ZNF564: variants seen among roughly 807,000 people sequenced by gnomAD.
The protein encoded by ZNF564 is zinc finger protein 564.
Under a neutral mutation model 10.5 loss-of-function variants are expected in ZNF564, and 5 were observed. That is an observed-to-expected ratio of 0.48 (90% CI 0.25 to 1.00). The LOEUF (loss-of-function observed/expected upper bound fraction) is 1.00, where lower values mean the gene tolerates loss of function less well. Among genes scored for constraint, ZNF564 ranks in the 50% least tolerant of loss-of-function variants. The pLI is 0.16. For missense variants in ZNF564, 603 were observed against 669.7 expected (o/e 0.90, Z 1.10); for synonymous variants, 242 against 218.1 (o/e 1.11, Z -0.97).
intron 1 of ZNF564, among the ~76,000 whole-genome samples, chr19:12,532,189 C>T (rs2021815661): frequency 6.6e-6 from 1 of 151,884 alleles, no homozygotes; most frequent in South Asian, 2.1e-4. Flanking sequence ...AGACCCTGCA[C>T]TCCAGCCTGG....
Position 12,526,680 on chromosome 19 carries a change from G to C in ZNF564, c.1428C>G (p.Pro476=), listed in dbSNP as rs748397973. Residue 476 remains proline, a synonymous_variant, in exon 4 of 4, where the codon CCC becomes CCG. Coordinates refer to ENST00000339282, the MANE Select transcript of ZNF564 (RefSeq NM_144976.4). ...CTTTCCCACATTCTTTACATTCATA[G>C]GGTTTTTCTCCAGTATGAGTTCTTT... ...THERTHTGEK[P]YECKECGKAF... is the part of the protein sequence containing the mutation. The C allele has an allele frequency of 2.5e-6, 4 of 1,614,160 alleles. No homozygotes were observed.
At position 12,526,984 on chromosome 19, in the gene ZNF564, A is replaced by C. The variant is rs746065275; in HGVS notation, c.1124T>G (p.Ile375Ser). The change falls in exon 4 of 4, where the codon ATT becomes AGT. Residue 375 changes from isoleucine to serine, a missense_variant. Ile to Ser is a moderately radical substitution (Grantham distance 142). Coordinates refer to ENST00000339282, the MANE Select transcript of ZNF564 (RefSeq NM_144976.4). ...GTGTCTTCGGACACTTGGGAGAGAA[A>C]TGAAGGCTTTCCCGCATTCCTTACA... ...YECKECGKAFISLPSVRRHMI... is the reference protein window; with the variant it reads ...YECKECGKAFSSLPSVRRHMI... 6.2e-7 allele frequency: 1 copy of C among 1,613,626 alleles called. No homozygotes were observed. The highest frequency in any genetic ancestry group is 1.3e-5 in the African/African-American group (1 of 74,780).
chr19:12,529,984 CAAAA>C (rs553631056), intron 1 of ZNF564: 14 of 51,896 alleles, frequency 2.7e-4, no homozygotes, highest in Non-Finnish European at 4.4e-4. Context: ...AACTCTGTCT[CAAAA>C]AAAAAAAAAA....
chr19:12,537,448 T>G (rs952601774), intron 1 of ZNF564, among the ~76,000 whole-genome samples: 2 of 152,150 alleles, frequency 1.3e-5, no homozygotes, highest in Admixed American at 1.3e-4. Context: ...TGGAAGACAA[T>G]GTTTTCTAAG....
chr19:12,536,972 C>T (rs1190908274), intron 1 of ZNF564, among the ~76,000 whole-genome samples: 1 of 152,122 alleles, frequency 6.6e-6, no homozygotes, highest in Non-Finnish European at 1.5e-5. Context: ...ATCTCCTATC[C>T]TCCCATCTTC....
intron 1 of ZNF564, among the ~76,000 whole-genome samples, chr19:12,535,858 C>T (rs1264769039): frequency 6.6e-6 from 1 of 151,834 alleles, no homozygotes; most frequent in Admixed American, 6.6e-5. Context: ...ACTAAAAATA[C>T]AAAAATTAGC....
intron 1 of ZNF564, among the ~76,000 whole-genome samples, chr19:12,536,325 T>C (rs564812565): frequency 6.6e-6 from 1 of 152,208 alleles, no homozygotes; most frequent in East Asian, 1.9e-4. Context: ...TACAGGTACA[T>C]GTCACCATGC....
chr19:12,538,549 C>CA (rs1599282684), intron 1 of ZNF564, among the ~76,000 whole-genome samples: 1 of 151,936 alleles, frequency 6.6e-6, no homozygotes, highest in African/African-American at 2.4e-5. Context: ...TGCTTGAACC[C>CA]AGGAGGCGGA....
intron 1 of ZNF564, chr19:12,550,401 A>G (rs1452932763): frequency 1.2e-5 from 2 of 166,642 alleles, no homozygotes; most frequent in African/African-American, 4.8e-5. Flanking sequence ...CACGTCTGTA[A>G]TACCAGCATT....
At chr19:12,545,585 C>G (rs1047061689) in intron 1 of ZNF564, among the ~76,000 whole-genome samples, 1 of 152,218 alleles carries the variant, frequency 6.6e-6, no homozygotes, top group South Asian at 2.1e-4. Context: ...ACCCACACTT[C>G]TGAACAACTG....
chr19:12,536,220 AGATT>A (rs2021909878), intron 1 of ZNF564, among the ~76,000 whole-genome samples: 1 of 152,160 alleles, frequency 6.6e-6, no homozygotes, highest in South Asian at 2.1e-4. Context: ...TTTGTCACCC[AGATT>A]GGAGTGCAGT....
At chr19:12,536,351 A>AT (rs1359288527) in intron 1 of ZNF564, among the ~76,000 whole-genome samples, 1 of 152,050 alleles carries the variant, frequency 6.6e-6, no homozygotes, top group African/African-American at 2.4e-5. Context: ...AAATTTTTGT[A>AT]TTTTTTGTAG....
rs1026021646 is a variant in ZNF564, at chr19:12,527,104, T to C, written c.1004A>G (p.Lys335Arg). ...ACCACATTTATTACATTCATAGGGT[T>C]TCTCCCCAGTATGAGTTCTTTCATG... ...RKHERTHTGE[K>R]PYECNKCGKT... Residue 335 changes from lysine to arginine, a missense_variant, in exon 4 of 4, where the codon AAA (lysine) becomes AGA (arginine). Lys to Arg is a conservative substitution (Grantham distance 26, BLOSUM62 2). Coordinates refer to ENST00000339282, the MANE Select transcript of ZNF564 (RefSeq NM_144976.4). 1 of 1,614,132 alleles carries C rather than the reference T, an allele frequency of 6.2e-7. No homozygotes were observed. Among genetic ancestry groups the C allele is most frequent in the Non-Finnish European group, 8.5e-7 (1 of 1,180,024 alleles).
chr19:12,528,727 G>A (rs754187309), intron 1 of ZNF564, 31 bp from the exon 2 acceptor site: 1 of 1,594,602 alleles, frequency 6.3e-7, no homozygotes, highest in Non-Finnish European at 8.5e-7. Flanking sequence ...AATGCAGGAG[G>A]AAGAATGAGA....
At chr19:12,530,574 T>C (rs1210048559) in intron 1 of ZNF564, among the ~76,000 whole-genome samples, 1 of 152,180 alleles carries the variant, frequency 6.6e-6, no homozygotes, top group Non-Finnish European at 1.5e-5. Context: ...CTGAGGGATT[T>C]CATTCAAGTC....
In ZNF564 at chr19:12,528,613, G is replaced by A; in HGVS notation, c.87C>T (p.Tyr29=). The stretch of plus-strand genomic sequence containing the variant: ...TAAAGGTTTCCCGCATCACATCTCT[G>A]TAGAGTTTCTTCTGGGAAGGATCCA... ...ALLDPSQKKL[Y]RDVMRETFRN... The change falls in exon 2 of 4, where the codon TAC becomes TAT. Residue 29 remains tyrosine, a synonymous_variant. Coordinates refer to ENST00000339282, the MANE Select transcript of ZNF564 (RefSeq NM_144976.4). 3 of 1,614,020 alleles carry A rather than the reference G, an allele frequency of 1.9e-6. No homozygotes were observed. The highest frequency in any genetic ancestry group is 1.3e-5 in the African/African-American group (1 of 75,038).
chr19:12,533,366 A>G (rs958933403), intron 1 of ZNF564, among the ~76,000 whole-genome samples: 1 of 152,214 alleles, frequency 6.6e-6, no homozygotes, highest in Non-Finnish European at 1.5e-5. Flanking sequence ...AGCAGTGCAT[A>G]GAGGAATATT....
Position 12,527,587 on chromosome 19 carries a change from C to T in ZNF564, c.521G>A (p.Cys174Tyr). 2 of 1,614,204 alleles carry T rather than the reference C, an allele frequency of 1.2e-6. No individual in the cohort carries two copies. The highest frequency in any genetic ancestry group is 1.7e-6 in the Non-Finnish European group (2 of 1,180,026). The change falls in exon 4 of 4, where the codon TGT (cysteine) becomes TAT (tyrosine). Residue 174 changes from cysteine to tyrosine, a missense_variant. Cys to Tyr is a radical substitution (Grantham distance 194, BLOSUM62 -2). Transcript: ENST00000339282. The stretch of plus-strand genomic sequence containing the variant: ...TGGGAGAGAAATGAAGGCTTTCCCA[C>T]ATTCCGGACATGCATAGGGTTTCTC... Reference protein sequence around the residue: ...TGEKPYACPECGKAFISLPSV... With the variant: ...TGEKPYACPEYGKAFISLPSV...
intron 2 of ZNF564, 97 bp downstream of exon 2, chr19:12,528,473 T>C: frequency 6.3e-7 from 1 of 1,583,390 alleles, no homozygotes; most frequent in Non-Finnish European, 8.6e-7. Flanking sequence ...TTCACCCAAG[T>C]ATTCCCTTTT....
Sources: allele counts gnomAD v4.1 joint callset (sites outside exome capture counted in the v4.1 genomes callset), GRCh38; gene constraint gnomAD v4.1.1; transcripts MANE v1.5; gene names NCBI Gene and HGNC (gene_info 2026-07-23, HGNC 2026-07-21).